Variants in RTN4RL1 observed in about 807,000 individuals in gnomAD.
RTN4RL1 encodes the protein reticulon-4 receptor-like 1.
Under a neutral mutation model 25.6 loss-of-function variants are expected in RTN4RL1, and 7 were observed. The observed-to-expected ratio is 0.27, with a 90% CI of 0.16 to 0.51. The LOEUF (loss-of-function observed/expected upper bound fraction) is 0.51, where lower values mean the gene tolerates loss of function less well. RTN4RL1 is among the 20% of genes least tolerant of loss of function. The pLI is 0.97. For synonymous variants in RTN4RL1, 297 were observed against 288.2 expected (o/e 1.03, Z -0.31); for missense variants, 500 against 615.6 (o/e 0.81, Z 1.99).
intron 1 of RTN4RL1, 86 bp downstream of exon 1, chr17:2,024,767 G>A: frequency 1.4e-6 from 2 of 1,394,916 alleles, no homozygotes; most frequent in South Asian, 1.3e-5. Flanking sequence ...TCCCAGACCG[G>A]GAGCCCCGGC....
intron 1 of RTN4RL1, among the ~76,000 whole-genome samples, chr17:2,008,907 G>A (rs1268512374): frequency 6.6e-6 from 1 of 151,990 alleles, no homozygotes; most frequent in African/African-American, 2.4e-5. Context: ...ACTTATCCAG[G>A]GTGTGGCTTC....
At chr17:1,986,844 G>A (rs766036076) in intron 1 of RTN4RL1, among the ~76,000 whole-genome samples, 7 of 151,868 alleles carry the variant, frequency 4.6e-5, no homozygotes, top group African/African-American at 1.7e-4. Context: ...CCCAGGCCCA[G>A]GCTCTGCCCA....
At chr17:1,952,612 G>T (rs1470813337) in intron 1 of RTN4RL1, among the ~76,000 whole-genome samples, 1 of 150,988 alleles carries the variant, frequency 6.6e-6, no homozygotes, top group Admixed American at 6.6e-5. Context: ...CAAAGTGCTG[G>T]GATTACAGGC....
At chr17:1,952,343 T>TGA (rs1403079096) in intron 1 of RTN4RL1, among the ~76,000 whole-genome samples, 1 of 145,422 alleles carries the variant, frequency 6.9e-6, no homozygotes. Context: ...TTTTTTTTTT[T>TGA]TTTTTTTTTT....
intron 1 of RTN4RL1, among the ~76,000 whole-genome samples, chr17:2,009,068 G>A (rs2067023818): frequency 1.3e-5 from 2 of 152,194 alleles, no homozygotes; most frequent in African/African-American, 2.4e-5. Context: ...AACTGATGGT[G>A]TAAATGGGGA....
rs184706580 is a variant in RTN4RL1 at position 2,008,846 on chromosome 17, G to A, written c.13+16007C>T. ...GGGAGCAGGTACCTCACCTCCAGCC[G>A]CCTTCCCCCTGGCTTGAAAGTGCCT... is the stretch of plus-strand genomic sequence containing the variant. On this transcript the variant is annotated intron_variant, in intron 1 of 1. Transcript: ENST00000331238. Among the ~76,000 whole-genome samples the A allele has an allele frequency of 3.7e-4, 57 of 152,038 alleles. No homozygotes were observed. The South Asian group carries it at 6.0e-3, about 16-fold the overall frequency.
At chr17:1,956,222 G>C (rs1221845745) in intron 1 of RTN4RL1, among the ~76,000 whole-genome samples, 1 of 152,136 alleles carries the variant, frequency 6.6e-6, no homozygotes, top group Non-Finnish European at 1.5e-5. Flanking sequence ...ACCACCCAGC[G>C]GGGTGCAGGC....
chr17:2,019,814 G>A (rs1217517742), intron 1 of RTN4RL1: 1 of 152,242 alleles, frequency 6.6e-6, no homozygotes, highest in African/African-American at 2.4e-5. Context: ...GTAGAAAATG[G>A]ACCTGAACAC....
chr17:1,995,179 G>A (rs911038977), intron 1 of RTN4RL1, among the ~76,000 whole-genome samples: 3 of 152,134 alleles, frequency 2.0e-5, no homozygotes, highest in Non-Finnish European at 4.4e-5. Flanking sequence ...ACTTTGGGAG[G>A]CCAAGGGAGG....
At chr17:1,948,625 G>A (rs917180290) in intron 1 of RTN4RL1, among the ~76,000 whole-genome samples, 5 of 152,252 alleles carry the variant, frequency 3.3e-5, no homozygotes, top group South Asian at 2.1e-4. Context: ...GCGGACGGGC[G>A]GATGGGCCCA....
chr17:1,955,055 T>C (rs1049622579), intron 1 of RTN4RL1, among the ~76,000 whole-genome samples: 58 of 152,136 alleles, frequency 3.8e-4, no homozygotes, highest in African/African-American at 1.3e-3. Context: ...GGCCTTAAAT[T>C]ACCTTCTCTT....
At chr17:2,013,028 A>G (rs1285074980) in intron 1 of RTN4RL1, among the ~76,000 whole-genome samples, 1 of 152,142 alleles carries the variant, frequency 6.6e-6, no homozygotes, top group Non-Finnish European at 1.5e-5. Context: ...TCATGACCTC[A>G]GGTGATCCGC....
rs527512682 is a variant in RTN4RL1, at chr17:1,945,440, C to T, written c.14-7632G>A. On this transcript the variant is annotated intron_variant, in intron 1 of 1. Transcript: ENST00000331238. The stretch of plus-strand genomic sequence containing the variant: ...GTTTCACCATGTTGGCCAGGCTGGT[C>T]TTGAACTCCCAACCTCTTGATCCAC... Among the ~76,000 whole-genome samples, 9 of 152,248 alleles carry T rather than the reference C, an allele frequency of 5.9e-5. No individual in the cohort carries two copies. The South Asian group carries it at 8.3e-4, about 14-fold the overall frequency.
intron 1 of RTN4RL1, among the ~76,000 whole-genome samples, chr17:1,945,650 C>A (rs558344155): frequency 6.6e-6 from 1 of 152,226 alleles, no homozygotes; most frequent in African/African-American, 2.4e-5. Context: ...CACGCCCGGC[C>A]GCCCTGCTTC....
chr17:1,991,472 A>AAAAAAAAAAAAAAAAACAAACAAAC (rs1567518488), intron 1 of RTN4RL1, among the ~76,000 whole-genome samples: 2 of 149,584 alleles, frequency 1.3e-5, no homozygotes, highest in African/African-American at 4.9e-5. Flanking sequence ...AACAAAAAAA[A>AAAAAAAAAAAAAAAAACAAACAAAC]ACTTCAAAGA....
At chr17:2,021,273 G>C (rs140873691) in intron 1 of RTN4RL1, among the ~76,000 whole-genome samples, 1 of 152,230 alleles carries the variant, frequency 6.6e-6, no homozygotes, top group African/African-American at 2.4e-5. Context: ...GGTGTGCTCC[G>C]CCTTCCTCCT....
chr17:1,937,469 G>C lies in RTN4RL1; in HGVS notation c.353C>G (p.Pro118Arg). ...CTTCACCAGGCCCTGGAAGGTCTCG[G>C]GTGCCAGCGTCCGCAGCTGCCGGTT... ...GDNRQLRTLA[P>R]ETFQGLVKLH... Residue 118 changes from proline (P) to arginine (R), a missense_variant, in exon 2 of 2, where the codon CCC (proline) becomes CGC (arginine). By Grantham distance (103) the Pro-to-Arg change is moderately radical. Coordinates refer to ENST00000331238, the MANE Select transcript of RTN4RL1 (RefSeq NM_178568.4). The C allele has an allele frequency of 6.2e-7, 1 of 1,613,968 alleles. No homozygotes were observed. Among genetic ancestry groups the C allele is most frequent in the Non-Finnish European group, 8.5e-7 (1 of 1,179,886 alleles).
chr17:2,014,691 G>A (rs1301275675), intron 1 of RTN4RL1, among the ~76,000 whole-genome samples: 1 of 152,176 alleles, frequency 6.6e-6, no homozygotes, highest in African/African-American at 2.4e-5. Flanking sequence ...AATTAGCCGG[G>A]TGTGGTGGTG....
At chr17:1,939,095 G>A (rs1915379354) in intron 1 of RTN4RL1, among the ~76,000 whole-genome samples, 1 of 151,798 alleles carries the variant, frequency 6.6e-6, no homozygotes, top group South Asian at 2.1e-4. Context: ...GCTCACACCT[G>A]TAGTCTCAGC....
Sources: allele counts gnomAD v4.1 joint callset (sites outside exome capture counted in the v4.1 genomes callset), GRCh38; gene constraint gnomAD v4.1.1; transcripts MANE v1.5; gene names NCBI Gene and HGNC (gene_info 2026-07-23, HGNC 2026-07-21).